FAM168A: variants seen among roughly 807,000 people sequenced by gnomAD.
FAM168A encodes the protein protein FAM168A.
A neutral mutation model predicts 28.5 loss-of-function variants in FAM168A; 3 were observed. That is an observed-to-expected ratio of 0.11 (90% CI 0.05 to 0.27). FAM168A has a LOEUF of 0.27. FAM168A is among the 10% of genes least tolerant of loss of function. The pLI is 1.00. For missense variants in FAM168A, 222 were observed against 311.5 expected (o/e 0.71, Z 2.16); for synonymous variants, 122 against 124.2 (o/e 0.98, Z 0.12).
At chr11:73,575,272 T>A (rs1056313051) in intron 1 of FAM168A, among the ~76,000 whole-genome samples, 1 of 152,222 alleles carries the variant, frequency 6.6e-6, no homozygotes, top group African/African-American at 2.4e-5. Flanking sequence ...ATTCCATGTA[T>A]GTTACTGCTG....
chr11:73,492,965 A>C (rs1369191451), intron 1 of FAM168A, among the ~76,000 whole-genome samples: 3 of 152,222 alleles, frequency 2.0e-5, no homozygotes, highest in Non-Finnish European at 4.4e-5. Context: ...TATAAGCAGG[A>C]ACTAAACATT....
At chr11:73,566,528 T>C (rs1258530104) in intron 1 of FAM168A, among the ~76,000 whole-genome samples, 1 of 152,158 alleles carries the variant, frequency 6.6e-6, no homozygotes, top group African/African-American at 2.4e-5. Context: ...GAAATAGCCC[T>C]TTTTAGGGCT....
intron 1 of FAM168A, among the ~76,000 whole-genome samples, chr11:73,499,676 C>T (rs1854965415): frequency 6.6e-6 from 1 of 152,052 alleles, no homozygotes; most frequent in African/African-American, 2.4e-5. Flanking sequence ...TAGAGAGGAA[C>T]ATAAACCACC....
At chr11:73,540,226 GA>G (rs1339805712) in intron 1 of FAM168A, among the ~76,000 whole-genome samples, 3 of 152,152 alleles carry the variant, frequency 2.0e-5, no homozygotes, top group Non-Finnish European at 4.4e-5. Context: ...AAACTGATTT[GA>G]TAAAAGTAGA....
intron 5 of FAM168A, among the ~76,000 whole-genome samples, chr11:73,410,267 G>C (rs1866585286): frequency 6.6e-6 from 1 of 152,116 alleles, no homozygotes; most frequent in African/African-American, 2.4e-5. Flanking sequence ...AATGAGCCAG[G>C]CATGGTGGCA....
At chr11:73,454,793 G>A (rs527548010) in intron 2 of FAM168A, among the ~76,000 whole-genome samples, 1 of 152,146 alleles carries the variant, frequency 6.6e-6, no homozygotes, top group Non-Finnish European at 1.5e-5. Flanking sequence ...GCTGGAGACA[G>A]CTGGACTTCA....
chr11:73,555,888 C>A (rs1383448411), intron 1 of FAM168A, among the ~76,000 whole-genome samples: 1 of 152,082 alleles, frequency 6.6e-6, no homozygotes, highest in East Asian at 1.9e-4. Context: ...TAGTCTTGTT[C>A]ACTGCCAGGC....
intron 4 of FAM168A, among the ~76,000 whole-genome samples, chr11:73,413,985 C>G (rs1324298956): frequency 6.6e-6 from 1 of 152,120 alleles, no homozygotes; most frequent in African/African-American, 2.4e-5. Flanking sequence ...ATGGCTTGAG[C>G]CCAGGAGTCT....
rs1355701214 is a variant in FAM168A, at chr11:73,407,543, G to A, written c.696C>T (p.Pro232=). 1 of 1,590,966 alleles carries A rather than the reference G, an allele frequency of 6.3e-7. No individual in the cohort carries two copies. The highest frequency in any genetic ancestry group is 1.1e-5 in the South Asian group (1 of 87,464). ...TGGGCTGCAGGCTTTACCAGTGTGG[G>A]GGCACGTAGCTGTACGCAGGGGTTC... The part of the protein sequence containing the change: ...AQGTPAYSYV[P]PHW The change falls in exon 7 of 8, where the codon CCC becomes CCT. Residue 232 remains proline (P), a synonymous_variant. Transcript: ENST00000356467.
chr11:73,575,678 T>G (rs1590744349), intron 1 of FAM168A, among the ~76,000 whole-genome samples: 1 of 152,148 alleles, frequency 6.6e-6, no homozygotes, highest in Non-Finnish European at 1.5e-5. Flanking sequence ...GAGACCAGCC[T>G]GGTCAACGTG....
intron 1 of FAM168A, among the ~76,000 whole-genome samples, chr11:73,597,436 T>C (rs1280351414): frequency 6.6e-6 from 1 of 151,382 alleles, no homozygotes; most frequent in African/African-American, 2.4e-5. Flanking sequence ...GAATTAACAC[T>C]ACGCAGGGCC....
chr11:73,440,628 CAAA>C (rs1039101316), intron 2 of FAM168A, among the ~76,000 whole-genome samples: 3 of 150,440 alleles, frequency 2.0e-5, no homozygotes, highest in African/African-American at 7.4e-5. Flanking sequence ...TACCCTGTCT[CAAA>C]AGAAGAAAAA....
intron 1 of FAM168A, among the ~76,000 whole-genome samples, chr11:73,583,985 C>T (rs1944279059): frequency 6.6e-6 from 1 of 152,114 alleles, no homozygotes; most frequent in East Asian, 1.9e-4. Context: ...CAGGCATGCT[C>T]ATTTTAAAGG....
At chr11:73,507,513 T>C (rs564065620) in intron 1 of FAM168A, among the ~76,000 whole-genome samples, 1 of 151,974 alleles carries the variant, frequency 6.6e-6, no homozygotes, top group Admixed American at 6.6e-5. Context: ...ACCCAAAAAA[T>C]AACTATTGGG....
intron 1 of FAM168A, among the ~76,000 whole-genome samples, chr11:73,567,810 T>A (rs903053645): frequency 1.3e-5 from 2 of 152,138 alleles, no homozygotes; most frequent in African/African-American, 4.8e-5. Context: ...TAAGCTATCA[T>A]TGAGAATGCA....
At chr11:73,502,709 C>T (rs186161105) in intron 1 of FAM168A, among the ~76,000 whole-genome samples, 26 of 152,210 alleles carry the variant, frequency 1.7e-4, no homozygotes, top group African/African-American at 6.3e-4. Context: ...AAGAAAACTT[C>T]AGGCCAAATA....
chr11:73,480,571 T>C (rs1867953792), intron 1 of FAM168A, among the ~76,000 whole-genome samples: 1 of 152,156 alleles, frequency 6.6e-6, no homozygotes, highest in African/African-American at 2.4e-5. Context: ...GGTGCTGCAT[T>C]AGAACAAAGT....
chr11:73,502,812 C>T (rs772946836), intron 1 of FAM168A, among the ~76,000 whole-genome samples: 5 of 152,202 alleles, frequency 3.3e-5, no homozygotes, highest in Admixed American at 6.5e-5. Flanking sequence ...ACGATCAAGT[C>T]GGTTTCATCC....
chr11:73,534,449 C>T (rs1210794163), intron 1 of FAM168A, among the ~76,000 whole-genome samples: 1 of 151,100 alleles, frequency 6.6e-6, no homozygotes, highest in Non-Finnish European at 1.5e-5. Flanking sequence ...GTCACCCAGG[C>T]TGGAGCGCAA....
Sources: gnomAD v4.1 joint callset for allele counts (sites outside exome capture counted in the v4.1 genomes callset) on GRCh38, gnomAD v4.1.1 for gene constraint, MANE v1.5 for transcripts, NCBI Gene and HGNC (gene_info 2026-07-23, HGNC 2026-07-21) for gene names.